Variants in ERCC6L observed in about 807,000 individuals in gnomAD.
ERCC6L encodes the protein DNA excision repair protein ERCC-6-like.
A neutral mutation model predicts 20.1 loss-of-function variants in ERCC6L; 7 were observed. That is an observed-to-expected ratio of 0.35 (90% CI 0.20 to 0.65). ERCC6L has a LOEUF of 0.65. Ranked by LOEUF, ERCC6L falls within the 30% of genes least tolerant of loss-of-function variation. The pLI, the probability that ERCC6L is intolerant of heterozygous loss-of-function variation, is 0.69. For synonymous variants in ERCC6L, 278 were observed against 331.3 expected (o/e 0.84, Z 1.75); for missense variants, 592 against 892.4 (o/e 0.66, Z 4.29).
intron 1 of ERCC6L, among the ~76,000 whole-genome samples, chrX:72,220,000 T>C (rs1442523962): frequency 8.9e-6 from 1 of 111,817 alleles, no homozygotes; most frequent in African/African-American, 3.3e-5. Context: ...TATGGGATTT[T>C]TGTAGATACC....
chrX:72,222,595 C>CT (rs758259884), intron 1 of ERCC6L, among the ~76,000 whole-genome samples: 3,303 of 84,917 alleles, frequency 0.039, 214 homozygotes, highest in African/African-American at 0.13. Context: ...AGAATCCAGC[C>CT]TTTTTTTTTT....
intron 1 of ERCC6L, among the ~76,000 whole-genome samples, chrX:72,219,793 G>A (rs1057018837): frequency 5.7e-5 from 6 of 105,212 alleles, no homozygotes; most frequent in East Asian, 3.0e-4. Context: ...AGATTGCAGC[G>A]AGTCAAGGTT....
At chrX:72,218,714 C>T (rs750723635) in intron 1 of ERCC6L, among the ~76,000 whole-genome samples, 1 of 110,894 alleles carries the variant, frequency 9.0e-6, no homozygotes, top group Non-Finnish European at 1.9e-5. Context: ...GGGCTGGTAG[C>T]TCATCAATTT....
rs2042844691 is a variant in ERCC6L at position 72,210,147 on chromosome X, C to T, written c.69-1449G>A. On this transcript the variant is annotated intron_variant, in intron 1 of 1. Transcript: ENST00000334463. ...TTGGGAGGCCAAGGCAGGAGGATCG[C>T]TTGAGGTCAGGAGTTTAAGACTAGC... Among the ~76,000 whole-genome samples, 3 of 107,654 alleles carry T rather than the reference C, an allele frequency of 2.8e-5. No individual in the cohort carries two copies. The Admixed American group carries it at 3.1e-4, about 11-fold the overall frequency. The allele number at this position is 107,654 out of a possible 115,157, so 93.5% of individuals were successfully genotyped here. A position where few individuals can be genotyped will look rare whatever the true frequency, so the allele number is the denominator to read the frequency against.
At chrX:72,228,721 C>T (rs1288100231) in intron 1 of ERCC6L, among the ~76,000 whole-genome samples, 2 of 111,259 alleles carry the variant, frequency 1.8e-5, no homozygotes, top group Admixed American at 1.9e-4. Flanking sequence ...TTTACTCTTA[C>T]CCAAATAACC....
At chrX:72,220,965 A>C (rs184470565) in intron 1 of ERCC6L, among the ~76,000 whole-genome samples, 99 of 111,961 alleles carry the variant, frequency 8.8e-4, no homozygotes, top group African/African-American at 3.1e-3. Context: ...GCAGCTCATC[A>C]TAAGTTAATT....
intron 1 of ERCC6L, among the ~76,000 whole-genome samples, chrX:72,232,637 C>T (rs1385426635): frequency 9.0e-6 from 1 of 111,188 alleles, no homozygotes; most frequent in African/African-American, 3.3e-5. Context: ...GACGAAACCC[C>T]GTTTCTACTA....
At position 72,206,634 on chromosome X, in the gene ERCC6L, C is replaced by T. The variant is rs1383698800; in HGVS notation, c.2133G>A (p.Glu711=). ...VQKAQFLVEF[E]SQNKEFLMEQ... ...CCATCAGGAACTCTTTATTTTGAGA[C>T]TCGAATTCAACGAGGAATTGAGCTT... is the stretch of plus-strand genomic sequence containing the variant. The change falls in exon 2 of 2, where the codon GAG becomes GAA. Residue 711 remains glutamate, a synonymous_variant. Transcript: ENST00000334463. 1.7e-6 allele frequency: 2 copies of T among 1,211,418 alleles called. No individual in the cohort carries two copies. The highest frequency in any genetic ancestry group is 3.5e-5 in the South Asian group (2 of 56,904).
rs1485244072 is a variant in ERCC6L, at chrX:72,205,044, TAAAGTC to T, written c.3717_3722del (p.Thr1240_Leu1241del). 5.8e-6 allele frequency: 7 copies of T among 1,202,533 alleles called. No individual in the cohort carries two copies. The highest frequency in any genetic ancestry group is 3.5e-5 in the African/African-American group (2 of 56,898). ...TGTTATTAAGTTGCTTATACAAACT[TAAAGTC>T]AAGAGCATAACTTCAGGATCTGCAC... is the stretch of plus-strand genomic sequence containing the variant. On this transcript the variant is annotated inframe_deletion, in exon 2 of 2. Transcript: ENST00000334463.
Position 72,206,357 on chromosome X carries a change from C to G in ERCC6L, c.2410G>C (p.Gly804Arg). Residue 804 changes from glycine (G) to arginine (R), a missense_variant, in exon 2 of 2, where the codon GGT becomes CGT. Around this residue, in one of 3 missense-constraint regions of ERCC6L, gnomAD observed 352 missense variants for 402.6 expected, o/e 0.87. Coordinates refer to ENST00000334463, the MANE Select transcript of ERCC6L (RefSeq NM_017669.4). ...GCTATAGAGTCAGCACTACCTGTAC[C>G]TTTACCATCTTGCAAGGTGGTAACA... ...VNVTTLQDGK[G>R]TGSADSIATL... 1 of 1,210,261 alleles carries G rather than the reference C, an allele frequency of 8.3e-7. No individual in the cohort carries two copies. Among genetic ancestry groups the G allele is most frequent in the Non-Finnish European group, 1.1e-6 (1 of 894,601 alleles).
In ERCC6L at chrX:72,225,347, C is replaced by T. The variant is rs148966307; in HGVS notation, c.68+13497G>A. ...TCTCCCAGCTACATCTACAACCTAG[C>T]ATCTTGCTTCAGTACATGGATGATT... On this transcript the variant is annotated intron_variant, in intron 1 of 1. Transcript: ENST00000334463. 9.1e-3 allele frequency among the ~76,000 whole-genome samples: 1,016 copies of T among 111,999 alleles called. 10 individuals are homozygous for T. Among genetic ancestry groups the T allele is most frequent in the African/African-American group, 0.031 (954 of 30,781 alleles).
rs1043302678 is a variant in ERCC6L, at chrX:72,224,233, A to G, written c.68+14611T>C. Among the ~76,000 whole-genome samples the G allele has an allele frequency of 3.6e-5, 4 of 111,668 alleles. No individual in the cohort carries two copies. In the Admixed American group the frequency reaches 3.8e-4, roughly 11 times the overall value. ...ATTTTCTGTTGTTGGCATGAAGGAC[A>G]TACAAGAACTTCCATACAAAACACT... On this transcript the variant is annotated intron_variant, in intron 1 of 1. Transcript: ENST00000334463.
intron 1 of ERCC6L, among the ~76,000 whole-genome samples, chrX:72,235,388 ACTT>A (rs2043010607): frequency 1.7e-5 from 1 of 57,882 alleles, no homozygotes; most frequent in East Asian, 1.0e-3. Context: ...TCCCTCTTCC[ACTT>A]TTTTTTTTTT....
chrX:72,211,662 C>T (rs2042854839), intron 1 of ERCC6L, among the ~76,000 whole-genome samples: 1 of 110,758 alleles, frequency 9.0e-6, no homozygotes, highest in African/African-American at 3.3e-5. Flanking sequence ...CACCTGTAGT[C>T]AGTCCCAGCT....
chrX:72,223,940 G>A (rs2042940327), intron 1 of ERCC6L, among the ~76,000 whole-genome samples: 1 of 110,917 alleles, frequency 9.0e-6, no homozygotes, highest in Non-Finnish European at 1.9e-5. Flanking sequence ...GGGGACACTG[G>A]AAAATGGACT....
At position 72,208,117 on chromosome X, in the gene ERCC6L, C is replaced by T; in HGVS notation, c.650G>A (p.Gly217Asp). The change falls in exon 2 of 2, where the codon GGC becomes GAC. Residue 217 changes from glycine (G) to aspartate (D), a missense_variant. By Grantham distance (94) the Gly-to-Asp change is moderately conservative. Transcript: ENST00000334463. ...NNWQQLSSFR[G>D]QEFVWDYVIL... Reference sequence around the variant, plus strand: ...GACATAGTCCCACACAAACTCTTGGCCCCTAAAGCTTGAAAGTTGCTGCCA... The same window carrying T: ...GACATAGTCCCACACAAACTCTTGGTCCCTAAAGCTTGAAAGTTGCTGCCA... 2 of 1,211,438 alleles carry T rather than the reference C, an allele frequency of 1.7e-6. No individual in the cohort carries two copies. Among genetic ancestry groups the T allele is most frequent in the Non-Finnish European group, 2.2e-6 (2 of 895,360 alleles).
chrX:72,213,069 A>C (rs1312343877), intron 1 of ERCC6L, among the ~76,000 whole-genome samples: 1 of 112,563 alleles, frequency 8.9e-6, no homozygotes, highest in Non-Finnish European at 1.9e-5. Context: ...GCCACCAGCC[A>C]CTAGGCCCAT....
In ERCC6L at chrX:72,238,948, T is replaced by TTTGGAGCTTGGAGCTTGGAGCTTGGAGC; in HGVS notation, c.-65_-38dup. 6.3e-6 allele frequency: 7 copies of TTTGGAGCTTGGAGCTTGGAGCTTGGAGC among 1,114,452 alleles called. No homozygotes were observed. Among genetic ancestry groups the TTTGGAGCTTGGAGCTTGGAGCTTGGAGC allele is most frequent in the Non-Finnish European group, 3.6e-6 (3 of 823,068 alleles). The allele number at this position is 1,114,452 out of a possible 1,213,427, so 91.8% of individuals were successfully genotyped here. On this transcript the variant is annotated 5_prime_UTR_variant, in exon 1 of 2. An upstream open reading frame in the 5' UTR gains an earlier in-frame stop. Transcript: ENST00000334463. Reference sequence around the variant, plus strand: ...TGGGTTCCAGTTACCCCGGCGGGAGTTTGGAGCTTGGAGCTTGGAGCTTGG... The same window carrying TTTGGAGCTTGGAGCTTGGAGCTTGGAGC: ...TGGGTTCCAGTTACCCCGGCGGGAGTTTGGAGCTTGGAGCTTGGAGCTTGGAGCTTGGAGCTTGGAGCTTGGAGCTTGG...
At chrX:72,209,872 G>C (rs983853281) in intron 1 of ERCC6L, among the ~76,000 whole-genome samples, 2 of 111,223 alleles carry the variant, frequency 1.8e-5, no homozygotes, top group African/African-American at 6.5e-5. Context: ...TTTTCAACTG[G>C]ATATCCATGT....
Sources: gnomAD v4.1 joint callset for allele counts (sites outside exome capture counted in the v4.1 genomes callset) on GRCh38, gnomAD v4.1.1 for gene constraint, gnomAD v4.1.1 regional missense constraint, MANE v1.5 for transcripts, NCBI Gene and HGNC (gene_info 2026-07-23, HGNC 2026-07-21) for gene names.